The following DUSP16 variants were observed in gnomAD, a reference collection of about 807,000 sequenced individuals.
DUSP16 encodes the protein dual specificity protein phosphatase 16.
In DUSP16, 21 loss-of-function variants were observed where a neutral mutation model predicts 58.3. That is an observed-to-expected ratio of 0.36 (90% confidence interval 0.26 to 0.52). The LOEUF is 0.52. Among genes scored for constraint, DUSP16 ranks in the 20% least tolerant of loss-of-function variants. DUSP16 has a pLI of 0.94. For missense variants in DUSP16, 726 were observed against 819.0 expected (o/e 0.89, Z 1.39); for synonymous variants, 320 against 323.8 (o/e 0.99, Z 0.12).
In DUSP16 at chr12:12,476,778, T is replaced by C. The variant is rs1232195511; in HGVS notation, c.*55A>G. On this transcript the variant is annotated 3_prime_UTR_variant, in exon 7 of 7. Coordinates refer to ENST00000298573, the MANE Select transcript of DUSP16 (RefSeq NM_030640.3). ...TATATATTTCAGATTTACAGGGAAT[T>C]TTTTTGTGAACAAGAAAAAAAAATT... 3.4e-6 allele frequency: 5 copies of C among 1,486,724 alleles called. No homozygotes were observed. The highest frequency in any genetic ancestry group is 4.5e-6 in the Non-Finnish European group (5 of 1,116,454). The allele number at this position is 1,486,724 out of a possible 1,614,324, so 92.1% of individuals were successfully genotyped here.
intron 3 of DUSP16, among the ~76,000 whole-genome samples, chr12:12,502,950 T>C (rs1943931164): frequency 6.6e-6 from 1 of 152,138 alleles, no homozygotes; most frequent in Non-Finnish European, 1.5e-5. Flanking sequence ...CCACGGTACA[T>C]ACAGCATACA....
chr12:12,504,099 G>GT (rs1943950114), intron 3 of DUSP16, among the ~76,000 whole-genome samples: 3 of 152,178 alleles, frequency 2.0e-5, no homozygotes, highest in Admixed American at 6.5e-5. Flanking sequence ...ATTTAAGTGA[G>GT]TTTTTTCCCC....
intron 5 of DUSP16, among the ~76,000 whole-genome samples, chr12:12,484,237 T>A (rs1943635109): frequency 1.3e-5 from 2 of 152,174 alleles, no homozygotes; most frequent in Admixed American, 6.5e-5. Flanking sequence ...TTGGGTGGGA[T>A]AAGGATGATG....
intron 1 of DUSP16, among the ~76,000 whole-genome samples, chr12:12,555,969 A>T (rs1467103303): frequency 1.3e-5 from 2 of 152,202 alleles, no homozygotes; most frequent in South Asian, 2.1e-4. Context: ...TGAACCGAGG[A>T]AGTCAAGGAT....
At chr12:12,497,140 T>A (rs139732040) in intron 4 of DUSP16, among the ~76,000 whole-genome samples, 1 of 152,378 alleles carries the variant, frequency 6.6e-6, no homozygotes, top group East Asian at 1.9e-4. Flanking sequence ...ACTGATTGCA[T>A]GTTGAAATAC....
intron 1 of DUSP16, among the ~76,000 whole-genome samples, chr12:12,550,923 C>T (rs894183724): frequency 6.6e-6 from 1 of 151,952 alleles, no homozygotes; most frequent in African/African-American, 2.4e-5. Context: ...TTAACAACAT[C>T]CTTGATAAAA....
Position 12,492,774 on chromosome 12 carries a change from C to T in DUSP16, c.532-5587G>A, listed in dbSNP as rs543941923. Reference sequence around the variant, plus strand: ...ACCAAAACTGCTCAATGATCACCAGCGATAGTCATGTTGCTAAATCCAATG... The same window carrying T: ...ACCAAAACTGCTCAATGATCACCAGTGATAGTCATGTTGCTAAATCCAATG... On this transcript the variant is annotated intron_variant, in intron 4 of 6. Transcript: ENST00000298573. 6.6e-5 allele frequency among the ~76,000 whole-genome samples: 10 copies of T among 152,202 alleles called. 1 individual carries two copies. Among genetic ancestry groups the T allele is most frequent in the African/African-American group, 2.4e-4 (10 of 41,526 alleles).
At chr12:12,559,323 T>C (rs1944859157) in intron 1 of DUSP16, among the ~76,000 whole-genome samples, 1 of 152,262 alleles carries the variant, frequency 6.6e-6, no homozygotes, top group African/African-American at 2.4e-5. Flanking sequence ...AAGCACCAAC[T>C]ATGGTTTTTC....
At chr12:12,535,085 C>T (rs982110230) in intron 1 of DUSP16, among the ~76,000 whole-genome samples, 3 of 152,152 alleles carry the variant, frequency 2.0e-5, no homozygotes, top group Admixed American at 6.5e-5. Context: ...CAGAAATAAC[C>T]TCTGCACATG....
intron 4 of DUSP16, among the ~76,000 whole-genome samples, chr12:12,493,951 A>G (rs1213839367): frequency 2.0e-5 from 3 of 152,170 alleles, no homozygotes; most frequent in Non-Finnish European, 2.9e-5. Flanking sequence ...AGCAGAGATT[A>G]TTGTCTCATT....
intron 1 of DUSP16, among the ~76,000 whole-genome samples, chr12:12,545,322 T>C (rs1289618542): frequency 1.3e-5 from 2 of 152,138 alleles, no homozygotes; most frequent in Non-Finnish European, 2.9e-5. Context: ...TGCAGTGGCA[T>C]GATCTCAGCT....
chr12:12,513,177 C>T (rs1386888963), intron 3 of DUSP16, among the ~76,000 whole-genome samples: 2 of 152,178 alleles, frequency 1.3e-5, no homozygotes, highest in Non-Finnish European at 2.9e-5. Flanking sequence ...AAACATTAAT[C>T]GAAGACCTTT....
intron 4 of DUSP16, among the ~76,000 whole-genome samples, chr12:12,490,414 CA>C (rs141006542): frequency 0.073 from 10,932 of 150,028 alleles, 835 homozygotes; most frequent in East Asian, 0.39. Flanking sequence ...AAACCAAAAA[CA>C]AAAAAAAACC....
chr12:12,515,151 A>G (rs1944129886), intron 3 of DUSP16, among the ~76,000 whole-genome samples: 1 of 152,104 alleles, frequency 6.6e-6, no homozygotes, highest in African/African-American at 2.4e-5. Flanking sequence ...TTAATTATAT[A>G]AGCTTTCCTG....
chr12:12,534,133 G>T (rs946187789), intron 1 of DUSP16, among the ~76,000 whole-genome samples: 1 of 152,190 alleles, frequency 6.6e-6, no homozygotes, highest in Non-Finnish European at 1.5e-5. Context: ...GTATGCAGGA[G>T]ACCCCTTTGG....
At chr12:12,533,936 A>C (rs1378768674) in intron 1 of DUSP16, among the ~76,000 whole-genome samples, 1 of 152,222 alleles carries the variant, frequency 6.6e-6, no homozygotes, top group Non-Finnish European at 1.5e-5. Flanking sequence ...TTCTCAGCAA[A>C]GTCTCCTAAC....
At chr12:12,540,832 CA>C (rs1442174074) in intron 1 of DUSP16, among the ~76,000 whole-genome samples, 7 of 152,112 alleles carry the variant, frequency 4.6e-5, no homozygotes, top group Non-Finnish European at 8.8e-5. Flanking sequence ...ATTCTGGAGG[CA>C]ACTTCCTGTC....
intron 3 of DUSP16, among the ~76,000 whole-genome samples, chr12:12,517,232 C>G (rs1028809504): frequency 6.6e-6 from 1 of 152,212 alleles, no homozygotes; most frequent in African/African-American, 2.4e-5. Flanking sequence ...GCTGAAAGTT[C>G]TAAACCGATG....
Position 12,503,264 on chromosome 12 carries a change from C to T in DUSP16, c.368-2582G>A, listed in dbSNP as rs1292723079. 8.9e-5 allele frequency among the ~76,000 whole-genome samples: 12 copies of T among 134,786 alleles called. No individual in the cohort carries two copies. In the East Asian group the frequency reaches 9.2e-4, roughly 10 times the overall value. 88.4% of individuals were successfully genotyped at this position (134,786 alleles called of 152,430 possible). A position where few individuals can be genotyped will look rare whatever the true frequency, so the allele number is the denominator to read the frequency against. On this transcript the variant is annotated intron_variant, in intron 3 of 6. Coordinates refer to ENST00000298573, the MANE Select transcript of DUSP16 (RefSeq NM_030640.3). ...TTTTTGAGACAGAGTCTCACTCTGT[C>T]GCCCAGGCTAGAGTGCAGTGGCGCG...
Sources: gnomAD v4.1 joint callset for allele counts (sites outside exome capture counted in the v4.1 genomes callset) on GRCh38, gnomAD v4.1.1 for gene constraint, MANE v1.5 for transcripts, NCBI Gene and HGNC (gene_info 2026-07-23, HGNC 2026-07-21) for gene names.